Variants in FNIP2 observed in about 807,000 individuals in gnomAD.
FNIP2 encodes folliculin interacting protein 2.
A neutral mutation model predicts 108.7 loss-of-function variants in FNIP2; 32 were observed. The observed-to-expected ratio is 0.29, with a 90% CI of 0.22 to 0.40. The LOEUF is 0.40. FNIP2 is among the 10% of genes least tolerant of loss of function. FNIP2 has a pLI of 1.00. For synonymous variants in FNIP2, 480 were observed against 496.7 expected (o/e 0.97, Z 0.45); for missense variants, 1,202 against 1,381.6 (o/e 0.87, Z 2.06).
intron 1 of FNIP2, chr4:158,806,500 A>T (rs1776966684): frequency 1.9e-6 from 2 of 1,039,846 alleles, no homozygotes; most frequent in South Asian, 3.0e-5. Flanking sequence ...ATGGAATTGT[A>T]TTGATCTGAA....
chr4:158,807,406 G>A (rs541536101), intron 1 of FNIP2, among the ~76,000 whole-genome samples: 64 of 152,254 alleles, frequency 4.2e-4, no homozygotes, highest in Middle Eastern at 3.4e-3. Context: ...GGGAGGCTGA[G>A]GTGGGAGGAT....
chr4:158,795,442 T>C (rs1375166470), intron 1 of FNIP2, among the ~76,000 whole-genome samples: 1 of 152,238 alleles, frequency 6.6e-6, no homozygotes, highest in African/African-American at 2.4e-5. Context: ...GATTCCTAAC[T>C]GACATCTACA....
intron 1 of FNIP2, among the ~76,000 whole-genome samples, chr4:158,795,530 A>G (rs1285169737): frequency 6.6e-6 from 1 of 152,212 alleles, no homozygotes; most frequent in Non-Finnish European, 1.5e-5. Context: ...TTTGAAAATT[A>G]TTTCTTAAAA....
chr4:158,803,138 A>G (rs1426746707), intron 1 of FNIP2, among the ~76,000 whole-genome samples: 1 of 152,226 alleles, frequency 6.6e-6, no homozygotes, highest in Non-Finnish European at 1.5e-5. Context: ...GGAATGTGGG[A>G]GTCTAGTCAG....
intron 1 of FNIP2, among the ~76,000 whole-genome samples, chr4:158,810,844 A>G (rs1777229205): frequency 1.3e-5 from 2 of 152,208 alleles, no homozygotes; most frequent in African/African-American, 4.8e-5. Context: ...CAGCTTCTGA[A>G]GCCTTTTTTC....
rs1009908177 is a variant in FNIP2, at chr4:158,769,332, C to T, written c.107+13C>T. ...GACCCGCCTTTAGGTGAGGGGGCGC[C>T]GGGGGGCAATTCTGGCGCGGGACCC... On this transcript the variant is annotated intron_variant, in intron 1 of 16. Transcript: ENST00000264433. The T allele has an allele frequency of 4.1e-6, 6 of 1,473,000 alleles. No homozygotes were observed. Among genetic ancestry groups the T allele is most frequent in the Non-Finnish European group, 4.5e-6 (5 of 1,110,412 alleles). 91.2% of individuals were successfully genotyped at this position (1,473,000 alleles called of 1,614,324 possible). A position where few individuals can be genotyped will look rare whatever the true frequency, so the allele number is the denominator to read the frequency against.
rs11358822 is a variant in FNIP2, at chr4:158,779,571, G to GT, written c.107+10269dup. 9.9e-3 allele frequency among the ~76,000 whole-genome samples: 1,189 copies of GT among 120,024 alleles called. 13 individuals are homozygous for GT. Among genetic ancestry groups the GT allele is most frequent in the African/African-American group, 0.035 (1,145 of 32,544 alleles). The allele number at this position is 120,024 out of a possible 152,430, so 78.7% of individuals were successfully genotyped here. On this transcript the variant is annotated intron_variant, in intron 1 of 16. Coordinates refer to ENST00000264433, the MANE Select transcript of FNIP2 (RefSeq NM_020840.3). The stretch of plus-strand genomic sequence containing the variant: ...GGGTAAATATCCTTTGTTGGTCGTG[G>GT]TTTTTTTTTTTTTTTTTGAGATAGA...
At chr4:158,843,573 A>G (rs1326768267) in intron 7 of FNIP2, among the ~76,000 whole-genome samples, 11 of 152,200 alleles carry the variant, frequency 7.2e-5, no homozygotes, top group Admixed American at 1.3e-4. Flanking sequence ...CACTGAGGAA[A>G]AGAAAACTTA....
intron 7 of FNIP2, among the ~76,000 whole-genome samples, chr4:158,841,203 G>C (rs934664416): frequency 1.3e-5 from 2 of 152,172 alleles, no homozygotes; most frequent in African/African-American, 4.8e-5. Flanking sequence ...AATGTCTTCA[G>C]AGAATGGGAC....
chr4:158,833,621 T>C lies in FNIP2; in HGVS notation c.648T>C (p.Ser216=), dbSNP rs1778601460. ...QNSLGPCRTG[S]NLAHSTPVDM... ...GTTTGGGTCCTTGTCGTACTGGAAG[T>C]AACCTAGGTAAAATCAGAGATACAA... Residue 216 remains serine, a synonymous_variant, in exon 6 of 17, where the codon AGT becomes AGC. Transcript: ENST00000264433. 6.2e-7 allele frequency: 1 copy of C among 1,609,332 alleles called. No homozygotes were observed. The highest frequency in any genetic ancestry group is 1.7e-5 in the Admixed American group (1 of 59,978).
rs56324913 is a variant in FNIP2, at chr4:158,843,145, C to G, written c.727+7669C>G. ...ATTATTGTGTTGTGGATGTAATACC[C>G]CCTGCGTCAAACATATATAAAAAGT... On this transcript the variant is annotated intron_variant, in intron 7 of 16. Coordinates refer to ENST00000264433, the MANE Select transcript of FNIP2 (RefSeq NM_020840.3). Among the ~76,000 whole-genome samples the G allele has an allele frequency of 3.6e-3, 543 of 152,140 alleles. 2 individuals are homozygous for G. Among genetic ancestry groups the G allele is most frequent in the African/African-American group, 0.012 (514 of 41,524 alleles).
At chr4:158,825,628 C>T (rs1778113538) in intron 1 of FNIP2, among the ~76,000 whole-genome samples, 3 of 152,218 alleles carry the variant, frequency 2.0e-5, no homozygotes, top group African/African-American at 7.2e-5. Flanking sequence ...CATCTGTGTC[C>T]AAATTGGCTT....
At chr4:158,781,916 A>G (rs1429611631) in intron 1 of FNIP2, among the ~76,000 whole-genome samples, 1 of 151,978 alleles carries the variant, frequency 6.6e-6, no homozygotes, top group African/African-American at 2.4e-5. Context: ...TTTAATCTGT[A>G]AAACAGGTGT....
chr4:158,843,411 A>T (rs932938014), intron 7 of FNIP2, among the ~76,000 whole-genome samples: 1 of 152,226 alleles, frequency 6.6e-6, no homozygotes, highest in East Asian at 1.9e-4. Context: ...TTCATCCAGC[A>T]GCGTTTCTTG....
chr4:158,783,570 A>G (rs753603963), intron 1 of FNIP2, among the ~76,000 whole-genome samples: 2 of 152,090 alleles, frequency 1.3e-5, no homozygotes, highest in South Asian at 2.1e-4. Flanking sequence ...ATCTAGACCA[A>G]CTCTGCCTGA....
At chr4:158,854,152 C>A (rs778481190) in intron 8 of FNIP2, among the ~76,000 whole-genome samples, 2 of 152,202 alleles carry the variant, frequency 1.3e-5, no homozygotes, top group African/African-American at 2.4e-5. Flanking sequence ...TATAATAACT[C>A]CCTGATATTC....
chr4:158,868,577 A>G lies in FNIP2; in HGVS notation c.1941A>G (p.Ala647=), dbSNP rs777901971. Residue 647 remains alanine (A), a synonymous_variant, in exon 13 of 17, where the codon GCA becomes GCG. Transcript: ENST00000264433. This position sits in a 1 kb window ranked among gnomAD's most constrained non-coding sequence, Gnocchi z 4.6. The part of the protein sequence containing the change: ...ASDASWKPQN[A]FCGDEKNKEA... ...ACGCTTCCTGGAAACCTCAGAATGC[A>G]TTTTGTGGGGATGAGAAAAATAAAG... 3 of 1,613,448 alleles carry G rather than the reference A, an allele frequency of 1.9e-6. No individual in the cohort carries two copies. The highest frequency in any genetic ancestry group is 2.2e-5 in the South Asian group (2 of 91,046).
chr4:158,796,928 G>A (rs1009347307), intron 1 of FNIP2, among the ~76,000 whole-genome samples: 3 of 152,098 alleles, frequency 2.0e-5, no homozygotes, highest in African/African-American at 4.8e-5. Flanking sequence ...CAGTGACTAC[G>A]CGCTGGTGGC....
intron 1 of FNIP2, among the ~76,000 whole-genome samples, chr4:158,782,055 T>G (rs762170417): frequency 5.9e-5 from 9 of 152,150 alleles, no homozygotes; most frequent in Admixed American, 3.3e-4. Context: ...ACTTAAATAT[T>G]ATGTCTTTCC....
Sources: gnomAD v4.1 joint callset for allele counts (sites outside exome capture counted in the v4.1 genomes callset) on GRCh38, gnomAD v4.1.1 for gene constraint, Gnocchi (gnomAD v3.1) non-coding constraint, MANE v1.5 for transcripts, NCBI Gene and HGNC (gene_info 2026-07-23, HGNC 2026-07-21) for gene names.